PRKD1: variants seen among roughly 807,000 people sequenced by gnomAD.
The protein encoded by PRKD1 is serine/threonine-protein kinase D1.
In PRKD1, 63 loss-of-function variants were observed where a neutral mutation model predicts 95.9. That is an observed-to-expected ratio of 0.66 (90% CI 0.54 to 0.81). The LOEUF (loss-of-function observed/expected upper bound fraction) is 0.81, where lower values mean the gene tolerates loss of function less well. Among genes scored for constraint, PRKD1 ranks in the 30% least tolerant of loss-of-function variants. The pLI, the probability that PRKD1 is intolerant of heterozygous loss-of-function variation, is 0.00. For synonymous variants in PRKD1, 425 were observed against 423.1 expected (o/e 1.00, Z -0.05); for missense variants, 1,048 against 1,165.3 (o/e 0.90, Z 1.47).
intron 16 of PRKD1, among the ~76,000 whole-genome samples, chr14:29,586,575 A>G (rs191959124): frequency 1.4e-4 from 21 of 152,310 alleles, no homozygotes; most frequent in Non-Finnish European, 2.9e-4. Context: ...ATATTATTTT[A>G]TGTTGTGCTA....
At chr14:29,692,210 A>T (rs1594433087) in intron 2 of PRKD1, among the ~76,000 whole-genome samples, 1 of 148,508 alleles carries the variant, frequency 6.7e-6, no homozygotes, top group Non-Finnish European at 1.5e-5. Flanking sequence ...CTTCCTGTTC[A>T]TTTTTTTTTT....
chr14:29,746,363 TCCAGAACCTTCAACCA>T (rs1334928050), intron 1 of PRKD1, among the ~76,000 whole-genome samples: 1 of 152,176 alleles, frequency 6.6e-6, no homozygotes, highest in Non-Finnish European at 1.5e-5. Flanking sequence ...GTCACTCTTC[TCCAGAACCTTCAACCA>T]CCAAGCACCT....
At chr14:29,786,578 G>A (rs1889284209) in intron 1 of PRKD1, among the ~76,000 whole-genome samples, 1 of 152,214 alleles carries the variant, frequency 6.6e-6, no homozygotes, top group African/African-American at 2.4e-5. Flanking sequence ...TAGGCTGTGT[G>A]TGTCCAAGAA....
Position 29,677,088 on chromosome 14 carries a change from C to A in PRKD1, c.404-10880G>T, listed in dbSNP as rs565793120. On this transcript the variant is annotated intron_variant, in intron 2 of 17. Coordinates refer to ENST00000331968, the MANE Select transcript of PRKD1 (RefSeq NM_002742.3). ...CTCTAAAGAGAGAATTTAACAACAA[C>A]AAAAAAATTGGACCATATAGCCGGT... Among the ~76,000 whole-genome samples the A allele has an allele frequency of 2.2e-4, 33 of 152,146 alleles. No individual in the cohort carries two copies. In the South Asian group the frequency reaches 6.2e-3, roughly 29 times the overall value.
intron 10 of PRKD1, among the ~76,000 whole-genome samples, chr14:29,630,047 T>C (rs193002238): frequency 6.7e-6 from 1 of 149,704 alleles, no homozygotes; most frequent in Admixed American, 6.7e-5. Context: ...CCCTCTTCTT[T>C]TTCTTCTTGC....
At chr14:29,881,909 C>G (rs942334409) in intron 1 of PRKD1, among the ~76,000 whole-genome samples, 1 of 152,158 alleles carries the variant, frequency 6.6e-6, no homozygotes, top group African/African-American at 2.4e-5. Flanking sequence ...CCTAAACTCC[C>G]AAAACTTTCT....
At chr14:29,760,262 T>G (rs1887913494) in intron 1 of PRKD1, among the ~76,000 whole-genome samples, 1 of 152,176 alleles carries the variant, frequency 6.6e-6, no homozygotes, top group Non-Finnish European at 1.5e-5. Flanking sequence ...TCAATCCTGC[T>G]TGTACCACTG....
At chr14:29,588,139 C>CT (rs1409994257) in intron 16 of PRKD1, among the ~76,000 whole-genome samples, 2 of 152,136 alleles carry the variant, frequency 1.3e-5, no homozygotes, top group Non-Finnish European at 2.9e-5. Context: ...AATTGTCTTT[C>CT]TTTTGTTTCG....
chr14:29,617,351 C>G (rs1276236249), intron 13 of PRKD1, among the ~76,000 whole-genome samples: 2 of 151,996 alleles, frequency 1.3e-5, no homozygotes, highest in East Asian at 3.9e-4. Context: ...CTACTGTGCC[C>G]AGCCATTGTT....
At chr14:29,616,348 G>A (rs1029280687) in intron 13 of PRKD1, among the ~76,000 whole-genome samples, 5 of 150,582 alleles carry the variant, frequency 3.3e-5, no homozygotes, top group African/African-American at 1.2e-4. Flanking sequence ...AAATGAAAGA[G>A]GAGCAGAGCA....
intron 1 of PRKD1, among the ~76,000 whole-genome samples, chr14:29,751,736 T>C (rs1887487836): frequency 6.6e-6 from 1 of 152,222 alleles, no homozygotes; most frequent in Non-Finnish European, 1.5e-5. Context: ...CCTTACCCTG[T>C]AATTTTAAGT....
At chr14:29,611,619 T>G (rs1320932459) in intron 13 of PRKD1, among the ~76,000 whole-genome samples, 1 of 151,998 alleles carries the variant, frequency 6.6e-6, no homozygotes, top group Non-Finnish European at 1.5e-5. Flanking sequence ...AATTAATGAC[T>G]AACCCATACA....
rs530503755 is a variant in PRKD1 at position 29,808,451 on chromosome 14, G to A, written c.265-82777C>T. On this transcript the variant is annotated intron_variant, in intron 1 of 17. Transcript: ENST00000331968. ...TTTTGCTCTTGTCGCCCAGGTTGGA[G>A]TACAATAGTGTTGTCTCAGCTCACT... 2.5e-5 allele frequency among the ~76,000 whole-genome samples: 3 copies of A among 120,364 alleles called. No homozygotes were observed. In the South Asian group the frequency reaches 8.5e-4, roughly 34 times the overall value. 79.0% of individuals were successfully genotyped at this position (120,364 alleles called of 152,430 possible). A position where few individuals can be genotyped will look rare whatever the true frequency, so the allele number is the denominator to read the frequency against.
intron 2 of PRKD1, among the ~76,000 whole-genome samples, chr14:29,672,884 C>G (rs949308101): frequency 6.6e-6 from 1 of 150,506 alleles, no homozygotes; most frequent in Non-Finnish European, 1.5e-5. Context: ...TACTCCTTCT[C>G]AGAAAAAAAA....
At chr14:29,760,021 G>A (rs1809551242) in intron 1 of PRKD1, among the ~76,000 whole-genome samples, 1 of 152,160 alleles carries the variant, frequency 6.6e-6, no homozygotes, top group Admixed American at 6.5e-5. Context: ...TAGAAATACA[G>A]AGCTCCCCAT....
chr14:29,669,167 ATAAAG>A (rs1882698733), intron 2 of PRKD1, among the ~76,000 whole-genome samples: 1 of 152,244 alleles, frequency 6.6e-6, no homozygotes, highest in Admixed American at 6.5e-5. Context: ...AAGCCATGAA[ATAAAG>A]TATAGAAAAA....
At chr14:29,831,455 T>G (rs1052041013) in intron 1 of PRKD1, among the ~76,000 whole-genome samples, 3 of 151,592 alleles carry the variant, frequency 2.0e-5, no homozygotes, top group South Asian at 4.2e-4. Context: ...TTTGGTTTTT[T>G]TTTTTTTTTT....
intron 17 of PRKD1, 49 bp downstream of exon 17, chr14:29,578,226 A>AATATTTATAGGATTTTG: frequency 7.6e-7 from 1 of 1,319,898 alleles, no homozygotes; most frequent in Non-Finnish European, 1.1e-6. Flanking sequence ...AAATCCTATA[A>AATATTTATAGGATTTTG]ATATTTAGAA....
intron 1 of PRKD1, among the ~76,000 whole-genome samples, chr14:29,825,315 T>C (rs1364699313): frequency 5.3e-5 from 8 of 152,270 alleles, no homozygotes; most frequent in African/African-American, 1.9e-4. Context: ...ATGTGGCAGA[T>C]ATAAGGTCTG....
Sources: gnomAD v4.1 joint callset for allele counts (sites outside exome capture counted in the v4.1 genomes callset) on GRCh38, gnomAD v4.1.1 for gene constraint, MANE v1.5 for transcripts, NCBI Gene and HGNC (gene_info 2026-07-23, HGNC 2026-07-21) for gene names.